Variants in RANBP2 observed in about 807,000 individuals in gnomAD.
The protein encoded by RANBP2 is RAN binding protein 2.
In RANBP2, 57 loss-of-function variants were observed where a neutral mutation model predicts 303.6. The ratio of observed to expected loss-of-function variants is 0.19; its 90% confidence interval spans 0.15 to 0.23. The LOEUF (loss-of-function observed/expected upper bound fraction) is 0.23. RANBP2 is among the 10% of genes least tolerant of loss of function. RANBP2 has a pLI of 1.00. For synonymous variants in RANBP2, 1,167 were observed against 1,301.5 expected, an observed-to-expected ratio of 0.90 and a Z score of 2.23; for missense variants, 3,138 against 3,780.8, an observed-to-expected ratio of 0.83 and a Z score of 4.46.
the RANBP2 span, among the ~76,000 whole-genome samples, chr2:108,817,527 G>A: frequency 1.1e-4 from 17 of 152,114 alleles, no homozygotes; most frequent in Middle Eastern, 3.4e-3. Context: ...TCTCGACCTC[G>A]TGATCCACCT....
chr2:109,414,561 C>T, the RANBP2 span, among the ~76,000 whole-genome samples: 2 of 152,176 alleles, frequency 1.3e-5, no homozygotes, highest in African/African-American at 2.4e-5. Context: ...ACAGGTCACA[C>T]ACCTGGGAGC....
the RANBP2 span, among the ~76,000 whole-genome samples, chr2:108,811,806 A>G: frequency 2.6e-5 from 4 of 151,892 alleles, no homozygotes; most frequent in African/African-American, 7.2e-5. Context: ...TGTTATTTCC[A>G]TCTTTATGTC....
At chr2:109,099,375 C>T in the RANBP2 span, among the ~76,000 whole-genome samples, 5 of 152,130 alleles carry the variant, frequency 3.3e-5, no homozygotes, top group Non-Finnish European at 5.9e-5. Context: ...CAGTCCACTT[C>T]GGGTCGGTGG....
chr2:109,218,157 A>C, the RANBP2 span, among the ~76,000 whole-genome samples: 1 of 151,178 alleles, frequency 6.6e-6, no homozygotes, highest in Non-Finnish European at 1.5e-5. Context: ...GTTCTATTAA[A>C]AAAAAAAAAT....
the RANBP2 span, chr2:109,543,520 A>G: frequency 3.9e-5 from 6 of 152,230 alleles, no homozygotes; most frequent in East Asian, 1.2e-3. Context: ...TTTAAGTTCT[A>G]TAAAACTATT....
chr2:109,535,116 A>G, the RANBP2 span, among the ~76,000 whole-genome samples: 2 of 152,158 alleles, frequency 1.3e-5, no homozygotes, highest in African/African-American at 2.4e-5. Context: ...GGAAAATTCT[A>G]CCACTTAGGG....
At chr2:108,947,221 C>A in the RANBP2 span, among the ~76,000 whole-genome samples, 1 of 152,238 alleles carries the variant, frequency 6.6e-6, no homozygotes, top group Non-Finnish European at 1.5e-5. Context: ...CCAGGGCATG[C>A]TGATGCAAGG....
the RANBP2 span, among the ~76,000 whole-genome samples, chr2:109,727,777 C>T: frequency 6.6e-6 from 1 of 152,138 alleles, no homozygotes; most frequent in Non-Finnish European, 1.5e-5. Context: ...GCCTGCTTAC[C>T]CAGGGCTTCC....
At chr2:109,296,399 T>TTG in the RANBP2 span, among the ~76,000 whole-genome samples, 1 of 151,684 alleles carries the variant, frequency 6.6e-6, no homozygotes, top group Non-Finnish European at 1.5e-5. Context: ...AGTTTTTTTT[T>TTG]TGTGTGTGTG....
chr2:109,084,428 T>C, the RANBP2 span, among the ~76,000 whole-genome samples: 2 of 152,234 alleles, frequency 1.3e-5, no homozygotes, highest in Non-Finnish European at 2.9e-5. Flanking sequence ...ACAGAGGCTG[T>C]TGCTGTAAGC....
chr2:109,378,415 C>T, the RANBP2 span, among the ~76,000 whole-genome samples: 17 of 152,176 alleles, frequency 1.1e-4, no homozygotes, highest in African/African-American at 3.1e-4. Flanking sequence ...CCACCTGAGA[C>T]GGGGTTGGAA....
chr2:109,629,236 A>AAAT, the RANBP2 span, among the ~76,000 whole-genome samples: 1 of 109,602 alleles, frequency 9.1e-6, no homozygotes, highest in Non-Finnish European at 2.3e-5. Context: ...ATAAATAAAT[A>AAAT]AAATGCTTAA....
the RANBP2 span, among the ~76,000 whole-genome samples, chr2:109,189,906 C>G: frequency 1.3e-5 from 2 of 152,162 alleles, no homozygotes; most frequent in South Asian, 4.1e-4. Flanking sequence ...ACTTTCTGCA[C>G]TTGATTGCCT....
the RANBP2 span, among the ~76,000 whole-genome samples, chr2:109,508,927 G>A: frequency 5.3e-5 from 8 of 152,350 alleles, no homozygotes; most frequent in East Asian, 1.4e-3. Context: ...CGGGACGGGG[G>A]GATGCAGTCC....
At chr2:109,593,260 A>C in the RANBP2 span, 1 of 486,852 alleles carries the variant, frequency 2.1e-6, no homozygotes, top group Non-Finnish European at 3.6e-6. Context: ...TACATTATTG[A>C]ATCGTGTTTG....
the RANBP2 span, among the ~76,000 whole-genome samples, chr2:109,620,159 CAGTA>C: frequency 6.6e-6 from 1 of 152,160 alleles, no homozygotes; most frequent in African/African-American, 2.4e-5. Context: ...TGAAGGTACT[CAGTA>C]AGGGTCTTTT....
At chr2:109,322,830 C>G in the RANBP2 span, among the ~76,000 whole-genome samples, 1 of 152,346 alleles carries the variant, frequency 6.6e-6, no homozygotes, top group African/African-American at 2.4e-5. Flanking sequence ...CTCCCCACAT[C>G]AGGATATGGG....
the RANBP2 span, among the ~76,000 whole-genome samples, chr2:109,683,203 A>C: frequency 1.3e-5 from 2 of 152,012 alleles, no homozygotes; most frequent in African/African-American, 4.8e-5. Context: ...ACAGGGTTTC[A>C]CCATATTGGC....
chr2:109,031,420 G>A, the RANBP2 span, among the ~76,000 whole-genome samples: 2 of 152,060 alleles, frequency 1.3e-5, no homozygotes, highest in African/African-American at 2.4e-5. Context: ...TTCCCCTTAC[G>A]ACGGAATCAC....
Sources: allele counts gnomAD v4.1 joint callset (sites outside exome capture counted in the v4.1 genomes callset), GRCh38; gene constraint gnomAD v4.1.1; transcripts MANE v1.5; gene names NCBI Gene and HGNC (gene_info 2026-07-23, HGNC 2026-07-21).